RAP1GAP2: variants seen among roughly 807,000 people sequenced by gnomAD.
RAP1GAP2 encodes the protein RAP1 GTPase activating protein 2, also known as rap1 GTPase-activating protein 2.
Under a neutral mutation model 95.0 loss-of-function variants are expected in RAP1GAP2, and 27 were observed. The observed-to-expected ratio is 0.28, with a 90% CI of 0.21 to 0.39. The LOEUF is 0.39. RAP1GAP2 is among the 10% of genes least tolerant of loss of function. The pLI, the probability that RAP1GAP2 is intolerant of heterozygous loss-of-function variation, is 1.00. For synonymous variants in RAP1GAP2, 373 were observed against 380.9 expected (o/e 0.98, Z 0.24); for missense variants, 771 against 970.0 (o/e 0.79, Z 2.72).
rs1488865061 is a variant in RAP1GAP2, at chr17:2,891,809, C to CTTTTT, written c.81-13471_81-13470insTTTTT. ...TCTGATGATATGCAGATTCATATTT[C>CTTTTT]TTTTCTTTTTTTTTTTTTTTTTTTT... On this transcript the variant is annotated intron_variant, in intron 2 of 24. Coordinates refer to ENST00000254695, the MANE Select transcript of RAP1GAP2 (RefSeq NM_015085.5). 5.7e-4 allele frequency among the ~76,000 whole-genome samples: 33 copies of CTTTTT among 58,022 alleles called. 1 individual carries two copies. The highest frequency in any genetic ancestry group is 8.9e-4 in the Non-Finnish European group (22 of 24,694). 38.1% of individuals were successfully genotyped at this position (58,022 alleles called of 152,430 possible).
chr17:2,810,877 T>C (rs1258551084), intron 2 of RAP1GAP2, among the ~76,000 whole-genome samples: 1 of 151,962 alleles, frequency 6.6e-6, no homozygotes, highest in African/African-American at 2.4e-5. Flanking sequence ...CCCCTAAAAC[T>C]AGTCACCCAG....
chr17:3,026,309 C>T lies in RAP1GAP2; in HGVS notation c.1866-41C>T, dbSNP rs771578910. 3.2e-5 allele frequency: 48 copies of T among 1,496,496 alleles called. No individual in the cohort carries two copies. The East Asian group carries it at 8.9e-4, about 28-fold the overall frequency. The allele number at this position is 1,496,496 out of a possible 1,614,324, so 92.7% of individuals were successfully genotyped here. ...GAGGACCCTGGGGGTGGAGGGCTCT[C>T]GCGTGTGACCCGGGCTGGCCTCACT... On this transcript the variant is annotated intron_variant, in intron 20 of 24. Transcript: ENST00000254695.
At chr17:2,954,019 G>A (rs1022190946) in intron 3 of RAP1GAP2, among the ~76,000 whole-genome samples, 2 of 152,076 alleles carry the variant, frequency 1.3e-5, no homozygotes, top group Non-Finnish European at 2.9e-5. Context: ...TTAAGCAAGC[G>A]CTCATCTTCT....
rs182118841 is a variant in RAP1GAP2 at position 2,965,657 on chromosome 17, G to A, written c.596+14G>A. Reference sequence around the variant, plus strand: ...GGTCATCCTTAGGTAGGGCTGTTGCGCTGCTTGAGGCCACTTCTCTTCCAG... The same window carrying A: ...GGTCATCCTTAGGTAGGGCTGTTGCACTGCTTGAGGCCACTTCTCTTCCAG... On this transcript the variant is annotated intron_variant, in intron 8 of 24. Transcript: ENST00000254695. This position sits in a 1 kb window ranked among gnomAD's most constrained non-coding sequence, Gnocchi z 4.7. 30 of 1,543,032 alleles carry A rather than the reference G, an allele frequency of 1.9e-5. No homozygotes were observed. The highest frequency in any genetic ancestry group is 8.1e-5 in the African/African-American group (6 of 73,630).
At chr17:2,764,485 A>C (rs572283025) in intron 1 of RAP1GAP2, among the ~76,000 whole-genome samples, 2 of 150,444 alleles carry the variant, frequency 1.3e-5, no homozygotes, top group African/African-American at 4.9e-5. Flanking sequence ...CACTTTGGGA[A>C]GCCGAGGCGG....
At chr17:2,891,064 A>G (rs776842862) in intron 2 of RAP1GAP2, among the ~76,000 whole-genome samples, 4 of 152,004 alleles carry the variant, frequency 2.6e-5, no homozygotes, top group African/African-American at 7.3e-5. Context: ...TCTTTCTTGT[A>G]TAACTTTTCA....
chr17:2,932,032 C>A (rs1298252655), intron 3 of RAP1GAP2, among the ~76,000 whole-genome samples: 1 of 152,226 alleles, frequency 6.6e-6, no homozygotes, highest in African/African-American at 2.4e-5. Context: ...CGCATTTGAT[C>A]AACACCTGCT....
At position 2,873,474 on chromosome 17, in the gene RAP1GAP2, C is replaced by CAAAAAAA. The variant is rs71153308; in HGVS notation, c.81-31779_81-31773dup. 2.6e-4 allele frequency among the ~76,000 whole-genome samples: 3 copies of CAAAAAAA among 11,422 alleles called. 1 individual carries two copies. The highest frequency in any genetic ancestry group is 4.5e-4 in the Non-Finnish European group (3 of 6,704). 7.5% of individuals were successfully genotyped at this position (11,422 alleles called of 152,430 possible). A position where few individuals can be genotyped will look rare whatever the true frequency, so the allele number is the denominator to read the frequency against. On this transcript the variant is annotated intron_variant, in intron 2 of 24. Coordinates refer to ENST00000254695, the MANE Select transcript of RAP1GAP2 (RefSeq NM_015085.5). ...AGGGTAATAGAATGAGACCCTGTCT[C>CAAAAAAA]AAAAAAAAAAAAAAAAAAAAAAAAA...
At chr17:2,972,987 T>C (rs1161630627) in intron 8 of RAP1GAP2, among the ~76,000 whole-genome samples, 1 of 152,148 alleles carries the variant, frequency 6.6e-6, no homozygotes, top group African/African-American at 2.4e-5. Flanking sequence ...ATCTTCTTCT[T>C]AGGGACAGGG....
At chr17:2,762,348 G>A (rs2071270903) in intron 1 of RAP1GAP2, among the ~76,000 whole-genome samples, 2 of 149,418 alleles carry the variant, frequency 1.3e-5, no homozygotes, top group Admixed American at 6.7e-5. Flanking sequence ...TGTTTAAATT[G>A]TGTTAGTTGT....
At chr17:3,007,893 TGCTGGGCCGG>T (rs1442574217) in intron 16 of RAP1GAP2, 108 bp from the exon 17 acceptor site, 7 of 1,276,024 alleles carry the variant, frequency 5.5e-6, no homozygotes, top group Non-Finnish European at 7.5e-6. Context: ...TCCACACCGT[TGCTGGGCCGG>T]GCTGGGCAGA....
Position 2,757,956 on chromosome 17 carries a change from G to A in RAP1GAP2, c.50+2189G>A, listed in dbSNP as rs191156691. Among the ~76,000 whole-genome samples, 50 of 151,428 alleles carry A rather than the reference G, an allele frequency of 3.3e-4. No individual in the cohort carries two copies. In the South Asian group the frequency reaches 5.4e-3, roughly 16 times the overall value. ...GCGATCTCGGCTCACTGCAAGCTCC[G>A]CCTGCCGGGTTCACACCATTCTCCT... On this transcript the variant is annotated intron_variant, in intron 1 of 25. Coordinates refer to the RAP1GAP2 transcript ENST00000637138.
In RAP1GAP2 at chr17:2,894,805, A is replaced by G. The variant is rs187209564; in HGVS notation, c.81-10479A>G. On this transcript the variant is annotated intron_variant, in intron 2 of 24. Coordinates refer to ENST00000254695, the MANE Select transcript of RAP1GAP2 (RefSeq NM_015085.5). Reference sequence around the variant, plus strand: ...AATGCCTTATGACTCTGACCCTTTCATGTCATTTCTGTGGCTGTGAGCGCA... The same window carrying G: ...AATGCCTTATGACTCTGACCCTTTCGTGTCATTTCTGTGGCTGTGAGCGCA... 2.3e-3 allele frequency among the ~76,000 whole-genome samples: 346 copies of G among 151,922 alleles called. 1 individual carries two copies. Among genetic ancestry groups the G allele is most frequent in the Non-Finnish European group, 4.1e-3 (280 of 67,948 alleles).
intron 3 of RAP1GAP2, among the ~76,000 whole-genome samples, chr17:2,929,707 C>T (rs915534327): frequency 2.6e-5 from 4 of 152,172 alleles, no homozygotes; most frequent in African/African-American, 7.2e-5. Flanking sequence ...GCGAAGACCC[C>T]GGGACTGCCC....
At chr17:2,763,394 C>G (rs1336613425) in intron 1 of RAP1GAP2, among the ~76,000 whole-genome samples, 1 of 151,964 alleles carries the variant, frequency 6.6e-6, no homozygotes, top group Non-Finnish European at 1.5e-5. Context: ...CAGAGAAATG[C>G]TGTGATCAAG....
intron 2 of RAP1GAP2, among the ~76,000 whole-genome samples, chr17:2,814,072 C>T (rs908360360): frequency 1.4e-4 from 21 of 152,238 alleles, no homozygotes; most frequent in Middle Eastern, 3.4e-3. Context: ...CTGTTCTAGG[C>T]CTAGTAGGTT....
chr17:2,912,647 C>A (rs2042428006), intron 3 of RAP1GAP2, among the ~76,000 whole-genome samples: 2 of 152,054 alleles, frequency 1.3e-5, no homozygotes, highest in Non-Finnish European at 2.9e-5. Context: ...TGGAGGGAGG[C>A]CCTTGCTGAA....
In RAP1GAP2 at chr17:3,009,920, G is replaced by A. The variant is rs564140223; in HGVS notation, c.1494+1775G>A. ...GGAAAACGGGCTTGGGTCTGGGGAA[G>A]GCAGGAAGGGGGGCACCACATTAAG... On this transcript the variant is annotated intron_variant, in intron 17 of 24. Transcript: ENST00000254695. Among the ~76,000 whole-genome samples, 5 of 152,194 alleles carry A rather than the reference G, an allele frequency of 3.3e-5. No homozygotes were observed. In the South Asian group the frequency reaches 1.0e-3, roughly 32 times the overall value.
chr17:2,827,838 A>G lies in RAP1GAP2; in HGVS notation c.80+27288A>G, dbSNP rs965469290. On this transcript the variant is annotated intron_variant, in intron 2 of 24. Coordinates refer to ENST00000254695, the MANE Select transcript of RAP1GAP2 (RefSeq NM_015085.5). This position sits in a 1 kb window ranked among gnomAD's most constrained non-coding sequence, Gnocchi z 4.1. ...AAAAAAAAAAATCCCCTTGAAAAAC[A>G]AGGGGGAGGGTTCATACACGATCGG... 2.0e-5 allele frequency among the ~76,000 whole-genome samples: 3 copies of G among 151,796 alleles called. No homozygotes were observed. Among genetic ancestry groups the G allele is most frequent in the African/African-American group, 4.8e-5 (2 of 41,344 alleles).
Sources: allele counts gnomAD v4.1 joint callset (sites outside exome capture counted in the v4.1 genomes callset), GRCh38; gene constraint gnomAD v4.1.1; non-coding constraint Gnocchi (gnomAD v3.1); transcripts MANE v1.5; gene names NCBI Gene and HGNC (gene_info 2026-07-23, HGNC 2026-07-21).